ADA2: variants seen among roughly 807,000 people sequenced by gnomAD.
ADA2 encodes adenosine deaminase 2, also known as adenosine deaminase CECR1.
A neutral mutation model predicts 44.2 loss-of-function variants in ADA2; 29 were observed. The ratio of observed to expected loss-of-function variants is 0.66; its 90% CI spans 0.49 to 0.89. ADA2 has a LOEUF of 0.89. Among genes scored for constraint, ADA2 ranks in the 40% least tolerant of loss-of-function variants. ADA2 has a pLI of 0.00. For missense variants in ADA2, 637 were observed against 644.8 expected (o/e 0.99, Z 0.13); for synonymous variants, 215 against 234.9 (o/e 0.92, Z 0.77).
At chr22:17,219,087 G>A (rs970828871) in intron 1 of ADA2, among the ~76,000 whole-genome samples, 2 of 152,220 alleles carry the variant, frequency 1.3e-5, no homozygotes, top group Non-Finnish European at 2.9e-5. Flanking sequence ...AACTCGAGAG[G>A]CAGAAGTTGC....
rs1381941043 is a variant in ADA2 at position 17,186,895 on chromosome 22, A to G, written c.1081+1444T>C. On this transcript the variant is annotated intron_variant, in intron 7 of 9. Coordinates refer to ENST00000399837, the MANE Select transcript of ADA2 (RefSeq NM_001282225.2). ...AAAAACAAAAAAATTGACCAGGTGCAGTGGCTCACACCTGTAATCCCAGCA... is the reference window on the plus strand; with the variant it reads ...AAAAACAAAAAAATTGACCAGGTGCGGTGGCTCACACCTGTAATCCCAGCA... 6.7e-5 allele frequency among the ~76,000 whole-genome samples: 10 copies of G among 149,086 alleles called. 1 individual carries two copies. Among genetic ancestry groups the G allele is most frequent in the African/African-American group, 9.9e-5 (4 of 40,244 alleles).
Position 17,181,858 on chromosome 22 carries a change from GTCAGCCT to G in ADA2, c.1397_1403del (p.Lys466ThrfsTer2), listed in dbSNP as rs754904956. 5.0e-6 allele frequency: 8 copies of G among 1,613,930 alleles called. No homozygotes were observed. The highest frequency in any genetic ancestry group is 1.7e-4 in the Middle Eastern group (1 of 5,986). On this transcript the variant is annotated frameshift_variant, in exon 9 of 10. Transcript: ENST00000399837. LOFTEE classifies it low-confidence loss of function (END_TRUNC). Reference sequence around the variant, plus strand: ...TGGCCAGCTGTTTGAGGGTCCTCAGGTCAGCCTTCATCCCCCCAATGCCCATGAAGAC... The same window carrying G: ...TGGCCAGCTGTTTGAGGGTCCTCAGGTCATCCCCCCAATGCCCATGAAGAC...
intron 4 of ADA2, chr22:17,193,357 GCAAA>G (rs1418706805): frequency 1.6e-3 from 76 of 47,724 alleles, no homozygotes; most frequent in Middle Eastern, 0.011. Context: ...CGTAAAAACT[GCAAA>G]AAAAAAAAAA....
intron 8 of ADA2, 125 bp from the exon 9 acceptor site, chr22:17,182,147 G>T: frequency 1.4e-6 from 1 of 739,204 alleles, no homozygotes; most frequent in South Asian, 1.8e-5. Context: ...CCCAGTATGG[G>T]GATGACTTCT....
chr22:17,209,066 C>T (rs2062388433), intron 2 of ADA2, among the ~76,000 whole-genome samples: 2 of 152,166 alleles, frequency 1.3e-5, no homozygotes, highest in South Asian at 2.1e-4. Flanking sequence ...TGCTATATCA[C>T]ATTGTATCCT....
chr22:17,196,939 G>A (rs1260134885), intron 4 of ADA2, among the ~76,000 whole-genome samples: 3 of 152,218 alleles, frequency 2.0e-5, no homozygotes, highest in Admixed American at 1.3e-4. Context: ...TTAGGAGGCC[G>A]AGGCAGGCGA....
In ADA2 at chr22:17,209,390, A is replaced by G; in HGVS notation, c.288T>C (p.Ser96=). ...FFQAKHLIER[S]QVFNILRMMP... ...TCATCCTTAGAATATTAAACACTTG[A>G]CTTCTCTCAATGAGATGCTTGGCCT... Residue 96 remains serine (S), a synonymous_variant, in exon 2 of 10, where the codon AGT becomes AGC. Transcript: ENST00000399837. The G allele has an allele frequency of 6.2e-7, 1 of 1,613,942 alleles. No homozygotes were observed. The highest frequency in any genetic ancestry group is 1.1e-5 in the South Asian group (1 of 91,068).
chr22:17,199,712 T>G, intron 4 of ADA2: 1 of 1,547,642 alleles, frequency 6.5e-7, no homozygotes, highest in African/African-American at 1.4e-5. Context: ...CTGGTCTGGG[T>G]CCAGCCACCC....
intron 1 of ADA2, among the ~76,000 whole-genome samples, chr22:17,212,990 A>G (rs1398186415): frequency 6.7e-6 from 1 of 149,098 alleles, no homozygotes; most frequent in African/African-American, 2.5e-5. Context: ...GGGTCTCACT[A>G]TGTTGCCATG....
At chr22:17,197,930 C>T (rs1314420777) in intron 4 of ADA2, among the ~76,000 whole-genome samples, 3 of 151,732 alleles carry the variant, frequency 2.0e-5, no homozygotes, top group South Asian at 2.1e-4. Context: ...CCCAGCTACT[C>T]GGGAGGCTGA....
At chr22:17,199,431 T>TCTATCCTCTTCCCCTCCCTCCCCACCG in intron 4 of ADA2, 1 of 930,074 alleles carries the variant, frequency 1.1e-6, no homozygotes, top group Non-Finnish European at 1.7e-6. Context: ...CCTCCCCTCC[T>TCTATCCTCTTCCCCTCCCTCCCCACCG]CTATCCTCTT....
rs2062097771 is a variant in ADA2 at position 17,190,183 on chromosome 22, C to G, written c.882-151G>C. The G allele has an allele frequency of 1.3e-5, 8 of 620,444 alleles. No individual in the cohort carries two copies. The South Asian group carries it at 1.5e-4, about 12-fold the overall frequency. 38.4% of individuals were successfully genotyped at this position (620,444 alleles called of 1,614,324 possible). Reference sequence around the variant, plus strand: ...GCACCCCTGCCCTCCTGACCCCACCCTGACCAGGCCATTGTGATCCCTGAG... The same window carrying G: ...GCACCCCTGCCCTCCTGACCCCACCGTGACCAGGCCATTGTGATCCCTGAG... On this transcript the variant is annotated intron_variant, in intron 5 of 9. Transcript: ENST00000399837.
chr22:17,199,434 A>ATCCACTTCCCCACCCACCCC, intron 4 of ADA2: 1 of 1,021,820 alleles, frequency 9.8e-7, no homozygotes. Flanking sequence ...CCCCTCCTCT[A>ATCCACTTCCCCACCCACCCC]TCCTCTTCCC....
intron 6 of ADA2, 96 bp from the exon 7 acceptor site, chr22:17,188,543 C>T: frequency 1.4e-6 from 1 of 727,300 alleles, no homozygotes; most frequent in South Asian, 1.7e-5. Flanking sequence ...TCCTTGTACC[C>T]TGCCACCACT....
chr22:17,202,467 A>G (rs1156341837), intron 4 of ADA2, among the ~76,000 whole-genome samples: 3 of 152,106 alleles, frequency 2.0e-5, no homozygotes, highest in African/African-American at 4.8e-5. Context: ...GAATTTCGCC[A>G]TGTTGACCAG....
Position 17,187,106 on chromosome 22 carries a change from CA to C in ADA2, c.1081+1232del, listed in dbSNP as rs367552830. Among the ~76,000 whole-genome samples, 56 of 140,754 alleles carry C rather than the reference CA, an allele frequency of 4.0e-4. 1 individual carries two copies. Among genetic ancestry groups the C allele is most frequent in the African/African-American group, 1.4e-3 (52 of 37,502 alleles). 92.3% of individuals were successfully genotyped at this position (140,754 alleles called of 152,430 possible). On this transcript the variant is annotated intron_variant, in intron 7 of 9. Transcript: ENST00000399837. Reference sequence around the variant, plus strand: ...GCATGAACCCAGGAAGCCGAGCTTGCAAGTGAGCCGAGATCATACCACTGCA... The same window carrying C: ...GCATGAACCCAGGAAGCCGAGCTTGCAGTGAGCCGAGATCATACCACTGCA...
chr22:17,221,834 T>G (rs1211613212), upstream of ADA2: 3 of 152,228 alleles, frequency 2.0e-5, no homozygotes, highest in Non-Finnish European at 4.4e-5. Context: ...GGCCATTTAT[T>G]GGCCCTCTGT....
At chr22:17,184,366 G>T (rs963406145) in intron 7 of ADA2, among the ~76,000 whole-genome samples, 16 of 152,124 alleles carry the variant, frequency 1.1e-4, no homozygotes, top group Admixed American at 9.8e-4. Context: ...ACGCTGGACT[G>T]GGAGGTTATT....
At chr22:17,214,381 AC>A (rs928081019) in intron 1 of ADA2, among the ~76,000 whole-genome samples, 1 of 152,146 alleles carries the variant, frequency 6.6e-6, no homozygotes, top group Non-Finnish European at 1.5e-5. Context: ...TAGAAGATAC[AC>A]CCTTTTAGTT....
Sources: allele counts gnomAD v4.1 joint callset (sites outside exome capture counted in the v4.1 genomes callset), GRCh38; gene constraint gnomAD v4.1.1; transcripts MANE v1.5; gene names NCBI Gene and HGNC (gene_info 2026-07-23, HGNC 2026-07-21).